SEMA6B: variants seen among roughly 807,000 people sequenced by gnomAD.
SEMA6B encodes semaphorin 6B, also known as semaphorin-6B.
Under a neutral mutation model 78.6 loss-of-function variants are expected in SEMA6B, and 47 were observed. The observed-to-expected ratio is 0.60, with a 90% CI of 0.47 to 0.76. SEMA6B has a LOEUF of 0.76. Ranked by LOEUF, SEMA6B falls within the 30% of genes least tolerant of loss-of-function variation. SEMA6B has a pLI of 0.00. For missense variants in SEMA6B, 1,213 were observed against 1,269.9 expected, an observed-to-expected ratio of 0.96 and a Z score of 0.68; for synonymous variants, 632 against 592.2, an observed-to-expected ratio of 1.07 and a Z score of -0.98.
At position 4,550,322 on chromosome 19, in the gene SEMA6B, G is replaced by A. The variant is rs771067322; in HGVS notation, c.1122-50C>T. ...GGACGAACGTAAAGGTTCTCATAAA[G>A]GGGCCTGATTCACCAGAGGTACCCA... On this transcript the variant is annotated intron_variant, in intron 11 of 16. Transcript: ENST00000586582. The surrounding 1 kb of genome is among the most constrained non-coding windows in gnomAD (Gnocchi z 6.6). The A allele has an allele frequency of 1.2e-5, 19 of 1,599,962 alleles. No individual in the cohort carries two copies. In the Admixed American group the frequency reaches 2.9e-4, roughly 24 times the overall value.
chr19:4,556,120 G>T, intron 5 of SEMA6B, 31 bp from the exon 6 acceptor site: 2 of 1,495,674 alleles, frequency 1.3e-6, no homozygotes, highest in Non-Finnish European at 1.9e-6. Context: ...AGCGGGGAGC[G>T]CGATGTGGGC....
At chr19:4,549,609 G>T (rs972369878) in intron 12 of SEMA6B, among the ~76,000 whole-genome samples, 2 of 152,226 alleles carry the variant, frequency 1.3e-5, no homozygotes, top group African/African-American at 4.8e-5. Flanking sequence ...CTCCTGAGTA[G>T]CTGGGACTAC....
At chr19:4,547,337 AC>A (rs1977196812) in intron 14 of SEMA6B, among the ~76,000 whole-genome samples, 1 of 152,134 alleles carries the variant, frequency 6.6e-6, no homozygotes. Context: ...TTCACTCCCC[AC>A]TTTACAGATA....
rs1977317178 is a variant in SEMA6B, at chr19:4,550,990, T to C, written c.990-60A>G. On this transcript the variant is annotated intron_variant, in intron 10 of 16. Transcript: ENST00000586582. This position sits in a 1 kb window ranked among gnomAD's most constrained non-coding sequence, Gnocchi z 6.6. The stretch of plus-strand genomic sequence containing the variant: ...GGTGGGAGGCCCCATCTCGGACAAG[T>C]GCGTGCAGGAGCCTCTGTCTGCAGG... The C allele has an allele frequency of 1.3e-6, 2 of 1,594,372 alleles. No homozygotes were observed. The highest frequency in any genetic ancestry group is 1.7e-6 in the Non-Finnish European group (2 of 1,165,506).
chr19:4,551,602 C>A (rs1461977311), intron 10 of SEMA6B, among the ~76,000 whole-genome samples: 1 of 151,420 alleles, frequency 6.6e-6, no homozygotes, highest in Non-Finnish European at 1.5e-5. Context: ...GAGGCTGAGG[C>A]GGGTGGATCA....
chr19:4,546,189 T>G, intron 16 of SEMA6B, 27 bp downstream of exon 16: 14 of 1,582,520 alleles, frequency 8.8e-6, no homozygotes, highest in African/African-American at 1.3e-5. Context: ...GGGATGGGGG[T>G]CTTAGCCTGC....
chr19:4,555,153 G>C lies in SEMA6B; in HGVS notation c.563-58C>G. ...GATGAGACCGCAGAGGCCAGGGGCT[G>C]GGTGGGTCGAAACTCGATTTTCTGA... On this transcript the variant is annotated intron_variant, in intron 7 of 16. Transcript: ENST00000586582. This position sits in a 1 kb window ranked among gnomAD's most constrained non-coding sequence, Gnocchi z 6.1. 6.3e-7 allele frequency: 1 copy of C among 1,593,084 alleles called. No individual in the cohort carries two copies. Among genetic ancestry groups the C allele is most frequent in the Non-Finnish European group, 8.6e-7 (1 of 1,166,608 alleles).
chr19:4,549,502 G>A (rs1304227366), intron 12 of SEMA6B, among the ~76,000 whole-genome samples: 1 of 144,312 alleles, frequency 6.9e-6, no homozygotes, highest in African/African-American at 2.6e-5. Flanking sequence ...TTTTTGAGAC[G>A]GAGTTTCGCT....
rs140659739 is a variant in SEMA6B, at chr19:4,556,936, C to T, written c.369+15G>A. Reference sequence around the variant, plus strand: ...CTGATTCGCAGGGGCCGGGACCGAGCCAGGGCCAACTCACCTCCTGTTTGC... The same window carrying T: ...CTGATTCGCAGGGGCCGGGACCGAGTCAGGGCCAACTCACCTCCTGTTTGC... On this transcript the variant is annotated intron_variant, in intron 5 of 16. Transcript: ENST00000586582. The T allele has an allele frequency of 3.1e-6, 5 of 1,610,748 alleles. No homozygotes were observed. In the East Asian group the frequency reaches 1.1e-4, roughly 36 times the overall value.
At position 4,550,737 on chromosome 19, in the gene SEMA6B, C is replaced by G; in HGVS notation, c.1121+62G>C. 3 of 1,586,750 alleles carry G rather than the reference C, an allele frequency of 1.9e-6. No homozygotes were observed. The highest frequency in any genetic ancestry group is 2.6e-6 in the Non-Finnish European group (3 of 1,161,044). Reference sequence around the variant, plus strand: ...TAAATAACCACCCGGAAGCCCCAGCCCTCGGCCCTGGGGATCAGGACCTCA... The same window carrying G: ...TAAATAACCACCCGGAAGCCCCAGCGCTCGGCCCTGGGGATCAGGACCTCA... On this transcript the variant is annotated intron_variant, in intron 11 of 16. Coordinates refer to ENST00000586582, the MANE Select transcript of SEMA6B (RefSeq NM_032108.4). The surrounding 1 kb of genome is among the most constrained non-coding windows in gnomAD (Gnocchi z 6.6).
chr19:4,553,021 T>G (rs573180222), intron 9 of SEMA6B, among the ~76,000 whole-genome samples: 2 of 152,330 alleles, frequency 1.3e-5, no homozygotes, highest in South Asian at 2.1e-4. Flanking sequence ...TTAGTGGCAG[T>G]CTGTGCACTT....
At chr19:4,551,233 T>C (rs898887166) in intron 10 of SEMA6B, among the ~76,000 whole-genome samples, 3 of 151,154 alleles carry the variant, frequency 2.0e-5, no homozygotes, top group Non-Finnish European at 4.4e-5. Flanking sequence ...TTTTTTTTTT[T>C]TTTGGAGACC....
At position 4,546,258 on chromosome 19, in the gene SEMA6B, C is replaced by T; in HGVS notation, c.1696G>A (p.Asp566Asn). ...SPGTRAAFEQ[D>N]VSGASTSGLG... is the part of the protein sequence containing the mutation. Reference sequence around the variant, plus strand: ...CCTGAGGTGCTGGCCCCGGACACGTCCTGCTCAAAGGCGGCTCTAATGGGG... The same window carrying T: ...CCTGAGGTGCTGGCCCCGGACACGTTCTGCTCAAAGGCGGCTCTAATGGGG... Residue 566 changes from aspartate to asparagine, a missense_variant, in exon 16 of 17, where the codon GAC becomes AAC. Coordinates refer to ENST00000586582, the MANE Select transcript of SEMA6B (RefSeq NM_032108.4). The T allele has an allele frequency of 6.2e-7, 1 of 1,613,516 alleles. No individual in the cohort carries two copies. The highest frequency in any genetic ancestry group is 8.5e-7 in the Non-Finnish European group (1 of 1,179,942).
chr19:4,557,137 C>T lies in SEMA6B; in HGVS notation c.306+26G>A, dbSNP rs754178676. 3.1e-6 allele frequency: 5 copies of T among 1,604,878 alleles called. No homozygotes were observed. The South Asian group carries it at 4.4e-5, about 14-fold the overall frequency. ...CCGCGTCCCCCTGGCCCTACCCCTC[C>T]ACTCCCACCTGCACCCCTTCCTCAC... On this transcript the variant is annotated intron_variant, in intron 4 of 16. Coordinates refer to ENST00000586582, the MANE Select transcript of SEMA6B (RefSeq NM_032108.4).
intron 10 of SEMA6B, among the ~76,000 whole-genome samples, chr19:4,551,516 G>GTCC (rs1305994944): frequency 6.6e-6 from 1 of 151,122 alleles, no homozygotes; most frequent in Non-Finnish European, 1.5e-5. Context: ...ACCGTGCCCA[G>GTCC]TCCACAAGCA....
chr19:4,544,897 G>C lies in SEMA6B; in HGVS notation c.1739-368C>G, dbSNP rs1977125603. On this transcript the variant is annotated intron_variant, in intron 16 of 16. Transcript: ENST00000586582. The surrounding 1 kb of genome is among the most constrained non-coding windows in gnomAD (Gnocchi z 5.1). The stretch of plus-strand genomic sequence containing the variant: ...TCCGCCCACCTCTGCCTCCCAAAGT[G>C]CTGGGATTACAGGCATAAGCCACCA... 6.6e-6 allele frequency among the ~76,000 whole-genome samples: 1 copy of C among 151,954 alleles called. No individual in the cohort carries two copies. The highest frequency in any genetic ancestry group is 2.4e-5 in the African/African-American group (1 of 41,384).
At position 4,555,138 on chromosome 19, in the gene SEMA6B, C is replaced by T; in HGVS notation, c.563-43G>A. The stretch of plus-strand genomic sequence containing the variant: ...GGAAGGCAGGCAAGAGATGAGACCG[C>T]AGAGGCCAGGGGCTGGGTGGGTCGA... On this transcript the variant is annotated intron_variant, in intron 7 of 16. Transcript: ENST00000586582. The surrounding 1 kb of genome is among the most constrained non-coding windows in gnomAD (Gnocchi z 6.1). 1 of 1,609,076 alleles carries T rather than the reference C, an allele frequency of 6.2e-7. No individual in the cohort carries two copies. Among genetic ancestry groups the T allele is most frequent in the Admixed American group, 1.7e-5 (1 of 59,874 alleles).
chr19:4,546,020 C>T (rs954368473), intron 16 of SEMA6B, 196 bp downstream of exon 16: 2 of 503,464 alleles, frequency 4.0e-6, no homozygotes, highest in African/African-American at 3.9e-5. Flanking sequence ...ATCCACCCAC[C>T]TTGGCCTCCC....
chr19:4,555,376 G>T lies in SEMA6B; in HGVS notation c.562+98C>A. ...CATGTCACAGCTGGGACAAGTGGTC[G>T]TCCAGCTGCCTTCTAAACAACCCAG... On this transcript the variant is annotated intron_variant, in intron 7 of 16. Coordinates refer to ENST00000586582, the MANE Select transcript of SEMA6B (RefSeq NM_032108.4). The surrounding 1 kb of genome is among the most constrained non-coding windows in gnomAD (Gnocchi z 6.1). The T allele has an allele frequency of 9.2e-7, 1 of 1,087,898 alleles. No homozygotes were observed. Among genetic ancestry groups the T allele is most frequent in the Non-Finnish European group, 1.3e-6 (1 of 746,916 alleles). The allele number at this position is 1,087,898 out of a possible 1,614,324, so 67.4% of individuals were successfully genotyped here. A position where few individuals can be genotyped will look rare whatever the true frequency, so the allele number is the denominator to read the frequency against.
Sources: allele counts gnomAD v4.1 joint callset (sites outside exome capture counted in the v4.1 genomes callset), GRCh38; gene constraint gnomAD v4.1.1; non-coding constraint Gnocchi (gnomAD v3.1); transcripts MANE v1.5; gene names NCBI Gene and HGNC (gene_info 2026-07-23, HGNC 2026-07-21).